CALB2: variants seen among roughly 807,000 people sequenced by gnomAD.
CALB2 encodes calbindin 2.
CALB2 carries 34 observed loss-of-function variants against 45.9 expected under a neutral mutation model. That is an observed-to-expected ratio of 0.74 (90% CI 0.56 to 0.99). CALB2 has a LOEUF of 0.99. Ranked by LOEUF, CALB2 falls within the 50% of genes least tolerant of loss-of-function variation. The probability of loss-of-function intolerance (pLI) is 0.00; values close to 1 mark genes in which losing one functional copy is unlikely to be tolerated. For synonymous variants in CALB2, 142 were observed against 129.6 expected (o/e 1.10, Z -0.65); for missense variants, 344 against 339.3 (o/e 1.01, Z -0.11).
At chr16:71,363,442 G>C (rs1176262469) in intron 1 of CALB2, among the ~76,000 whole-genome samples, 1 of 152,210 alleles carries the variant, frequency 6.6e-6, no homozygotes, top group Non-Finnish European at 1.5e-5. Flanking sequence ...AAAGGGCTGA[G>C]GATGGCTCTA....
Position 71,358,945 on chromosome 16 carries a change from G to T in CALB2, c.94+59G>T, listed in dbSNP as rs1164776350. ...CACCCAGGGGACCTGCGGTGAAGGGGGCAGGGGGCGGCGCTGAATGCGGGC... is the reference window on the plus strand; with the variant it reads ...CACCCAGGGGACCTGCGGTGAAGGGTGCAGGGGGCGGCGCTGAATGCGGGC... On this transcript the variant is annotated intron_variant, in intron 1 of 10. Transcript: ENST00000302628. 19 of 1,445,136 alleles carry T rather than the reference G, an allele frequency of 1.3e-5. 1 individual carries two copies. The South Asian group carries it at 2.3e-4, about 18-fold the overall frequency. The allele number at this position is 1,445,136 out of a possible 1,614,324, so 89.5% of individuals were successfully genotyped here.
intron 9 of CALB2, chr16:71,385,316 T>G: frequency 2.3e-6 from 1 of 437,860 alleles, no homozygotes; most frequent in Non-Finnish European, 4.1e-6. Flanking sequence ...GTTAACCAAA[T>G]GCTTCTTGAA....
intron 3 of CALB2, among the ~76,000 whole-genome samples, 172 bp downstream of exon 3, chr16:71,375,006 C>A (rs2042394293): frequency 6.6e-6 from 1 of 152,152 alleles, no homozygotes; most frequent in Non-Finnish European, 1.5e-5. Flanking sequence ...TCTTGTGTGT[C>A]ACCCAAGGAA....
chr16:71,366,006 T>C lies in CALB2; in HGVS notation c.95-6147T>C, dbSNP rs189321486. On this transcript the variant is annotated intron_variant, in intron 1 of 10. Transcript: ENST00000302628. ...TATTCTTTTTTCTTTCTTTCTTTGT[T>C]TTCTTCCCTCTCTCTCTCTTTTTTT... Among the ~76,000 whole-genome samples the C allele has an allele frequency of 2.5e-3, 364 of 146,340 alleles. 5 individuals are homozygous for C. Among genetic ancestry groups the C allele is most frequent in the African/African-American group, 8.7e-3 (347 of 39,816 alleles).
At position 71,360,310 on chromosome 16, in the gene CALB2, G is replaced by C. The variant is rs577049965; in HGVS notation, c.94+1424G>C. 5.9e-5 allele frequency among the ~76,000 whole-genome samples: 9 copies of C among 152,302 alleles called. No homozygotes were observed. In the East Asian group the frequency reaches 1.4e-3, roughly 23 times the overall value. On this transcript the variant is annotated intron_variant, in intron 1 of 10. Coordinates refer to ENST00000302628, the MANE Select transcript of CALB2 (RefSeq NM_001740.5). Reference sequence around the variant, plus strand: ...TTGGAGCCAACTGAGAAAGCTAGAGGGGTAGGGGACTAGGCATTTGAATAC... The same window carrying C: ...TTGGAGCCAACTGAGAAAGCTAGAGCGGTAGGGGACTAGGCATTTGAATAC...
At position 71,389,910 on chromosome 16, in the gene CALB2, C is replaced by A; in HGVS notation, c.*45C>A. Reference sequence around the variant, plus strand: ...TCTCCACCTCCCCCAAACCCTGCTTCTGCTGCCCTGATGCGTCTACCCAGA... The same window carrying A: ...TCTCCACCTCCCCCAAACCCTGCTTATGCTGCCCTGATGCGTCTACCCAGA... On this transcript the variant is annotated 3_prime_UTR_variant, in exon 11 of 11. Transcript: ENST00000302628. 7.2e-7 allele frequency: 1 copy of A among 1,382,106 alleles called. No homozygotes were observed. The allele number at this position is 1,382,106 out of a possible 1,614,324, so 85.6% of individuals were successfully genotyped here.
At chr16:71,359,110 C>T (rs369277856) in intron 1 of CALB2, among the ~76,000 whole-genome samples, 21 of 152,316 alleles carry the variant, frequency 1.4e-4, no homozygotes, top group African/African-American at 4.6e-4. Flanking sequence ...AGAGCCCACC[C>T]GCATTTGCAC....
chr16:71,381,411 A>C (rs891171949), intron 4 of CALB2, among the ~76,000 whole-genome samples: 10 of 54,014 alleles, frequency 1.9e-4, no homozygotes, highest in East Asian at 1.3e-3. Flanking sequence ...TCTTGTGACA[A>C]AAAAAAAAAA....
intron 1 of CALB2, among the ~76,000 whole-genome samples, chr16:71,371,497 G>C (rs1359193520): frequency 2.0e-5 from 3 of 152,202 alleles, no homozygotes; most frequent in Non-Finnish European, 2.9e-5. Context: ...CTCTGAGGGT[G>C]AATCTGCTCC....
intron 1 of CALB2, 62 bp downstream of exon 1, chr16:71,358,948 A>AG: frequency 6.9e-7 from 1 of 1,445,440 alleles, no homozygotes; most frequent in South Asian, 1.2e-5. Context: ...TGAAGGGGGC[A>AG]GGGGGCGGCG....
intron 10 of CALB2, among the ~76,000 whole-genome samples, chr16:71,388,819 T>TA (rs35230835): frequency 0.055 from 7,335 of 133,086 alleles, 443 homozygotes; most frequent in African/African-American, 0.16. Flanking sequence ...CCGTCTCTAC[T>TA]AAAAAAAAAA....
At position 71,382,139 on chromosome 16, in the gene CALB2, A is replaced by AAG. The variant is rs375059473; in HGVS notation, c.343-580_343-579insAG. Among the ~76,000 whole-genome samples the AAG allele has an allele frequency of 6.5e-4, 42 of 64,724 alleles. 1 individual carries two copies. Among genetic ancestry groups the AAG allele is most frequent in the Admixed American group, 3.8e-3 (22 of 5,776 alleles). 42.5% of individuals were successfully genotyped at this position (64,724 alleles called of 152,430 possible). On this transcript the variant is annotated intron_variant, in intron 4 of 10. Coordinates refer to ENST00000302628, the MANE Select transcript of CALB2 (RefSeq NM_001740.5). ...AAAGGAAGAAAAAGGAAGGAAGGAAAGAAGGAAGGAAGGAAAGAAAATAAA... is the reference window on the plus strand; with the variant it reads ...AAAGGAAGAAAAAGGAAGGAAGGAAAAGGAAGGAAGGAAGGAAAGAAAATAAA...
At chr16:71,379,271 TAATAAATAAATAAATA>T (rs71153630) in intron 4 of CALB2, among the ~76,000 whole-genome samples, 45 of 145,588 alleles carry the variant, frequency 3.1e-4, no homozygotes, top group African/African-American at 4.8e-4. Flanking sequence ...AGACTCTGTC[TAATAAATAAATAAATA>T]AATAAATAAA....
intron 4 of CALB2, among the ~76,000 whole-genome samples, chr16:71,378,300 G>A (rs1233601668): frequency 6.6e-6 from 1 of 151,942 alleles, no homozygotes; most frequent in Non-Finnish European, 1.5e-5. Flanking sequence ...ATCTTTTGAG[G>A]CCAGGGTTTC....
At chr16:71,364,913 C>G (rs368816770) in intron 1 of CALB2, among the ~76,000 whole-genome samples, 2 of 152,278 alleles carry the variant, frequency 1.3e-5, no homozygotes, top group Admixed American at 1.3e-4. Context: ...AGGCCAGGAC[C>G]TCTGTCAGCT....
intron 1 of CALB2, among the ~76,000 whole-genome samples, chr16:71,368,352 A>G (rs755786104): frequency 1.3e-5 from 2 of 152,132 alleles, no homozygotes; most frequent in Admixed American, 6.5e-5. Flanking sequence ...TCTACCAAAA[A>G]CAAACAAACA....
rs192603201 is a variant in CALB2, at chr16:71,363,470, G to A, written c.94+4584G>A. 3.3e-5 allele frequency among the ~76,000 whole-genome samples: 5 copies of A among 152,284 alleles called. No individual in the cohort carries two copies. The East Asian group carries it at 5.8e-4, about 18-fold the overall frequency. ...TGGCTCTACGCAGGCTCCCATCCTCGCCCTCTGAAACCCAGTGACCTGGCA... is the reference window on the plus strand; with the variant it reads ...TGGCTCTACGCAGGCTCCCATCCTCACCCTCTGAAACCCAGTGACCTGGCA... On this transcript the variant is annotated intron_variant, in intron 1 of 10. Transcript: ENST00000302628.
At chr16:71,361,159 C>T (rs1200497240) in intron 1 of CALB2, among the ~76,000 whole-genome samples, 2 of 152,188 alleles carry the variant, frequency 1.3e-5, no homozygotes, top group Non-Finnish European at 2.9e-5. Flanking sequence ...CACCTTCTTC[C>T]TTGTCCATCA....
intron 3 of CALB2, 66 bp from the exon 4 acceptor site, chr16:71,377,601 G>A: frequency 8.7e-7 from 1 of 1,153,046 alleles, no homozygotes; most frequent in Non-Finnish European, 1.3e-6. Context: ...CTTCTTAGGG[G>A]AAAATCTGCT....
Sources: gnomAD v4.1 joint callset for allele counts (sites outside exome capture counted in the v4.1 genomes callset) on GRCh38, gnomAD v4.1.1 for gene constraint, MANE v1.5 for transcripts, NCBI Gene and HGNC (gene_info 2026-07-23, HGNC 2026-07-21) for gene names.